TSGA10: variants seen among roughly 807,000 people sequenced by gnomAD.
TSGA10 encodes testis-specific gene 10 protein.
Under a neutral mutation model 96.6 loss-of-function variants are expected in TSGA10, and 43 were observed. The observed-to-expected ratio is 0.44, with a 90% CI of 0.35 to 0.57. The LOEUF (loss-of-function observed/expected upper bound fraction) is 0.57, where lower values mean the gene tolerates loss of function less well. Ranked by LOEUF, TSGA10 falls within the 20% of genes least tolerant of loss-of-function variation. The probability of loss-of-function intolerance (pLI) is 0.01; values close to 1 mark genes in which losing one functional copy is unlikely to be tolerated. For missense variants in TSGA10, 703 were observed against 834.4 expected (o/e 0.84, Z 1.94); for synonymous variants, 229 against 269.9 (o/e 0.85, Z 1.48).
At chr2:99,018,479 A>G in intron 19 of TSGA10, 57 bp downstream of exon 19, 1 of 1,585,120 alleles carries the variant, frequency 6.3e-7, no homozygotes, top group South Asian at 1.1e-5. Flanking sequence ...TACCTAAGAA[A>G]CAATGCTTTC....
chr2:99,115,717 T>G (rs557288532), intron 4 of TSGA10, among the ~76,000 whole-genome samples: 1 of 152,034 alleles, frequency 6.6e-6, no homozygotes, highest in Admixed American at 6.6e-5. Context: ...CTATTTCTAC[T>G]AAAAATATGA....
chr2:99,141,037 C>CCAGTAGCAGCACT, intron 1 of TSGA10: 1 of 1,237,162 alleles, frequency 8.1e-7, no homozygotes, highest in Non-Finnish European at 1.0e-6. Flanking sequence ...ACCTTCCAGT[C>CCAGTAGCAGCACT]CAGTAGCAGC....
At chr2:99,003,454 T>C (rs562146225) in intron 20 of TSGA10, among the ~76,000 whole-genome samples, 2 of 152,308 alleles carry the variant, frequency 1.3e-5, no homozygotes, top group African/African-American at 2.4e-5. Context: ...GTGGACCTAA[T>C]AGACATCTAC....
At chr2:99,075,738 C>T (rs1484283039) in intron 12 of TSGA10, among the ~76,000 whole-genome samples, 1 of 152,018 alleles carries the variant, frequency 6.6e-6, no homozygotes, top group Non-Finnish European at 1.5e-5. Context: ...AGACTTGTAA[C>T]TCAATATTGC....
Position 99,053,545 on chromosome 2 carries a change from T to G in TSGA10, c.1404+11394A>C, listed in dbSNP as rs117568555. Among the ~76,000 whole-genome samples, 22 of 152,240 alleles carry G rather than the reference T, an allele frequency of 1.4e-4. No homozygotes were observed. In the East Asian group the frequency reaches 4.2e-3, roughly 29 times the overall value. On this transcript the variant is annotated intron_variant, in intron 16 of 20. Transcript: ENST00000393483. ...ATCTCAACACATGTAGAAAATGCAT[T>G]TGACCAACTTCAACGTCCTTTCATA...
At position 99,081,285 on chromosome 2, in the gene TSGA10, T is replaced by A; in HGVS notation, c.724A>T (p.Ile242Phe). Residue 242 changes from isoleucine (I) to phenylalanine (F), a missense_variant, in exon 11 of 21, where the codon ATT (isoleucine) becomes TTT (phenylalanine). Transcript: ENST00000393483. ...QEKIMCLDEK[I>F]DNFTRQNIAQ... Reference sequence around the variant, plus strand: ...ATATTAAGAGAAAAAAACTCACCAATTTTTTCATCCAAGCACATAATTTTC... The same window carrying A: ...ATATTAAGAGAAAAAAACTCACCAAATTTTTCATCCAAGCACATAATTTTC... The A allele has an allele frequency of 6.5e-7, 1 of 1,540,774 alleles. No homozygotes were observed. The highest frequency in any genetic ancestry group is 8.7e-7 in the Non-Finnish European group (1 of 1,143,032).
intron 10 of TSGA10, among the ~76,000 whole-genome samples, chr2:99,095,075 G>T (rs1439030638): frequency 6.6e-6 from 1 of 152,134 alleles, no homozygotes; most frequent in Non-Finnish European, 1.5e-5. Flanking sequence ...TCATAAAAAG[G>T]AATGAAATAA....
chr2:99,105,731 G>A (rs771424827), intron 7 of TSGA10, 34 bp from the exon 8 acceptor site: 2 of 1,545,606 alleles, frequency 1.3e-6, no homozygotes, highest in East Asian at 2.3e-5. Flanking sequence ...GGTTGAACAA[G>A]CTTTAGAACA....
intron 10 of TSGA10, among the ~76,000 whole-genome samples, chr2:99,083,849 G>A (rs1276640861): frequency 3.3e-5 from 5 of 152,108 alleles, no homozygotes; most frequent in Admixed American, 6.6e-5. Context: ...AGTAGCATGA[G>A]GGATATTTTT....
intron 4 of TSGA10, among the ~76,000 whole-genome samples, chr2:99,113,570 G>A (rs770882864): frequency 1.3e-5 from 2 of 152,064 alleles, no homozygotes; most frequent in African/African-American, 4.8e-5. Context: ...TTTTGAGATC[G>A]AGTCTCTCTT....
At chr2:99,064,875 G>C (rs2085088053) in intron 16 of TSGA10, 64 bp downstream of exon 16, 1 of 1,366,916 alleles carries the variant, frequency 7.3e-7, no homozygotes, top group Non-Finnish European at 9.8e-7. Context: ...ATTTATGGAA[G>C]GCCAAACAAA....
intron 4 of TSGA10, among the ~76,000 whole-genome samples, chr2:99,116,463 G>A (rs182746466): frequency 1.3e-5 from 2 of 152,002 alleles, no homozygotes; most frequent in Non-Finnish European, 2.9e-5. Context: ...AAATAGTCCA[G>A]AAAGTCACAG....
Position 99,035,363 on chromosome 2 carries a change from A to T in TSGA10, c.1481T>A (p.Leu494His). 6.2e-7 allele frequency: 1 copy of T among 1,613,246 alleles called. No individual in the cohort carries two copies. Among genetic ancestry groups the T allele is most frequent in the South Asian group, 1.1e-5 (1 of 90,972 alleles). ...CACTTTTTCAAACTGAACCTTCTGAAGCTCCTCTTCCATTTTTACAACAGA... is the reference window on the plus strand; with the variant it reads ...CACTTTTTCAAACTGAACCTTCTGATGCTCCTCTTCCATTTTTACAACAGA... ...HKSVVKMEEE[L>H]QKVQFEKVSA... The change falls in exon 17 of 21, where the codon CTT becomes CAT. Residue 494 changes from leucine to histidine, a missense_variant. This residue lies in a region of TSGA10 where 585 missense variants were observed against 656.8 expected (regional missense o/e 0.89). Transcript: ENST00000393483.
At chr2:99,019,641 T>C (rs2079836948) in intron 18 of TSGA10, among the ~76,000 whole-genome samples, 2 of 152,120 alleles carry the variant, frequency 1.3e-5, no homozygotes, top group South Asian at 4.1e-4. Context: ...TGAAAAGTGT[T>C]ACAGATGGGA....
At chr2:99,072,053 A>G (rs1280423432) in intron 13 of TSGA10, among the ~76,000 whole-genome samples, 179 bp from the exon 14 acceptor site, 4 of 152,252 alleles carry the variant, frequency 2.6e-5, no homozygotes, top group Admixed American at 6.5e-5. Context: ...CAATGTTGCC[A>G]TCATTTCGCT....
At chr2:99,133,178 A>C (rs541618938) in intron 1 of TSGA10, among the ~76,000 whole-genome samples, 90 of 152,280 alleles carry the variant, frequency 5.9e-4, no homozygotes, top group Non-Finnish European at 9.6e-4. Flanking sequence ...TAATATTGCC[A>C]GTGGGGTGTT....
At chr2:99,142,945 G>T (rs1040191201) in intron 1 of TSGA10, among the ~76,000 whole-genome samples, 38 of 151,960 alleles carry the variant, frequency 2.5e-4, no homozygotes, top group Non-Finnish European at 2.5e-4. Context: ...CACCTAGACG[G>T]TACTGAAGAT....
intron 1 of TSGA10, chr2:99,142,504 GT>G (rs2105115818): frequency 6.6e-6 from 1 of 152,224 alleles, no homozygotes; most frequent in South Asian, 2.1e-4. Context: ...TAAATGCCAT[GT>G]TTTTCCAATG....
intron 13 of TSGA10, among the ~76,000 whole-genome samples, chr2:99,072,105 C>A (rs1273484519): frequency 6.6e-6 from 1 of 152,156 alleles, no homozygotes; most frequent in Non-Finnish European, 1.5e-5. Flanking sequence ...AATGATTTGC[C>A]AAATATTTCA....
Sources: gnomAD v4.1 joint callset for allele counts (sites outside exome capture counted in the v4.1 genomes callset) on GRCh38, gnomAD v4.1.1 for gene constraint, gnomAD v4.1.1 regional missense constraint, MANE v1.5 for transcripts, NCBI Gene and HGNC (gene_info 2026-07-23, HGNC 2026-07-21) for gene names.